The following TMEM135 variants were observed in gnomAD, a reference collection of about 807,000 sequenced individuals.
TMEM135 encodes peroxisomal membrane protein 52.
In TMEM135, 30 loss-of-function variants were observed where a neutral mutation model predicts 60.3. The observed-to-expected ratio is 0.50, with a 90% confidence interval of 0.37 to 0.68. The LOEUF is 0.68. TMEM135 is among the 30% of genes least tolerant of loss of function. TMEM135 has a pLI of 0.00. For synonymous variants in TMEM135, 190 were observed against 186.7 expected (o/e 1.02, Z -0.14); for missense variants, 468 against 548.8 (o/e 0.85, Z 1.47).
intron 5 of TMEM135, among the ~76,000 whole-genome samples, chr11:87,204,447 A>T (rs1261047575): frequency 2.0e-5 from 3 of 152,044 alleles, no homozygotes; most frequent in Non-Finnish European, 2.9e-5. Flanking sequence ...AGGAGTGTTG[A>T]CCCCTTGCAC....
intron 1 of TMEM135, among the ~76,000 whole-genome samples, chr11:87,040,495 T>C (rs1466242700): frequency 2.6e-5 from 4 of 152,174 alleles, no homozygotes; most frequent in African/African-American, 9.7e-5. Flanking sequence ...AAACCCCATC[T>C]CTACGAAAAA....
chr11:87,268,185 T>G (rs964910821), intron 6 of TMEM135, among the ~76,000 whole-genome samples: 1 of 124,770 alleles, frequency 8.0e-6, no homozygotes, highest in East Asian at 2.0e-4. Flanking sequence ...TTTCTTTTCT[T>G]TCTTCTTTTC....
At position 87,051,009 on chromosome 11, in the gene TMEM135, A is replaced by G. The variant is rs943271820; in HGVS notation, c.141+12823A>G. ...ATCCCTGGGATGCAAGGCTGGTTCA[A>G]TATACACAAATCAATAAATGTATTC... On this transcript the variant is annotated intron_variant, in intron 1 of 14. Transcript: ENST00000305494. 4.3e-5 allele frequency among the ~76,000 whole-genome samples: 4 copies of G among 92,018 alleles called. 1 individual carries two copies. The highest frequency in any genetic ancestry group is 1.2e-4 in the African/African-American group (2 of 16,830). 60.4% of individuals were successfully genotyped at this position (92,018 alleles called of 152,430 possible). A position where few individuals can be genotyped will look rare whatever the true frequency, so the allele number is the denominator to read the frequency against.
chr11:87,253,759 A>T (rs1941469050), intron 6 of TMEM135, among the ~76,000 whole-genome samples: 1 of 149,670 alleles, frequency 6.7e-6, no homozygotes, highest in Non-Finnish European at 1.5e-5. Context: ...AGGTACATCA[A>T]ATTGGCACTG....
chr11:87,283,247 T>C (rs915344428), intron 6 of TMEM135, among the ~76,000 whole-genome samples: 7 of 151,834 alleles, frequency 4.6e-5, no homozygotes, highest in Admixed American at 1.3e-4. Flanking sequence ...CACAGGAGAA[T>C]TGTTTGAACC....
intron 4 of TMEM135, among the ~76,000 whole-genome samples, chr11:87,106,937 T>A (rs1041927184): frequency 6.6e-6 from 1 of 152,130 alleles, no homozygotes; most frequent in African/African-American, 2.4e-5. Flanking sequence ...AGCCAGCATG[T>A]CACGTGGTGA....
chr11:87,103,862 C>T (rs1431966603), intron 4 of TMEM135, among the ~76,000 whole-genome samples: 3 of 151,888 alleles, frequency 2.0e-5, no homozygotes, highest in Non-Finnish European at 4.4e-5. Flanking sequence ...ACCATGTTGC[C>T]CAGGCTTCCA....
chr11:87,189,168 CCTTTCTTTG>C (rs1251275883), intron 5 of TMEM135, among the ~76,000 whole-genome samples: 26 of 150,370 alleles, frequency 1.7e-4, no homozygotes, highest in African/African-American at 5.9e-4. Flanking sequence ...CTTTCCCTTT[CCTTTCTTTG>C]CTTTCTTTCT....
At chr11:87,111,887 C>T (rs1391041835) in intron 4 of TMEM135, among the ~76,000 whole-genome samples, 1 of 151,982 alleles carries the variant, frequency 6.6e-6, no homozygotes, top group Non-Finnish European at 1.5e-5. Flanking sequence ...TATATGACTT[C>T]TCTAAACTCA....
chr11:87,200,524 C>T (rs1940070176), intron 5 of TMEM135, among the ~76,000 whole-genome samples: 1 of 152,130 alleles, frequency 6.6e-6, no homozygotes, highest in Non-Finnish European at 1.5e-5. Flanking sequence ...AGAAAGGGTA[C>T]TGTTCTCCCC....
chr11:87,142,958 G>A (rs1034878696), intron 4 of TMEM135, among the ~76,000 whole-genome samples: 11 of 146,446 alleles, frequency 7.5e-5, no homozygotes, highest in African/African-American at 2.5e-5. Context: ...TACATGCATT[G>A]AACTATTTGA....
chr11:87,059,708 C>T lies in TMEM135; in HGVS notation c.142-7986C>T, dbSNP rs1261160767. ...ACACAAGAAGGAATTGGGGTTGAATCAGGAAGCAATTCTGCAGAGTGAAGG... is the reference window on the plus strand; with the variant it reads ...ACACAAGAAGGAATTGGGGTTGAATTAGGAAGCAATTCTGCAGAGTGAAGG... On this transcript the variant is annotated intron_variant, in intron 1 of 14. Transcript: ENST00000305494. 2.0e-5 allele frequency among the ~76,000 whole-genome samples: 3 copies of T among 152,240 alleles called. No individual in the cohort carries two copies. In the East Asian group the frequency reaches 5.8e-4, roughly 29 times the overall value.
intron 2 of TMEM135, among the ~76,000 whole-genome samples, chr11:87,070,453 A>C (rs1213897047): frequency 6.6e-6 from 1 of 151,418 alleles, no homozygotes; most frequent in Non-Finnish European, 1.5e-5. Context: ...GACCAGCCTG[A>C]CCAACATGGT....
rs1328470822 is a variant in TMEM135 at position 87,321,698 on chromosome 11, T to G, written c.*365T>G. 1 of 464,574 alleles carries G rather than the reference T, an allele frequency of 2.2e-6. No homozygotes were observed. The highest frequency in any genetic ancestry group is 4.3e-6 in the Non-Finnish European group (1 of 234,126). 28.8% of individuals were successfully genotyped at this position (464,574 alleles called of 1,614,324 possible). The stretch of plus-strand genomic sequence containing the variant: ...TCTTTAGTTCATTCCAATATAATTC[T>G]TGATTAAAATTAGGATTATTTCTAC... On this transcript the variant is annotated 3_prime_UTR_variant, in exon 15 of 15. Transcript: ENST00000305494.
intron 5 of TMEM135, among the ~76,000 whole-genome samples, chr11:87,199,878 C>A (rs1006065696): frequency 6.6e-6 from 1 of 152,138 alleles, no homozygotes. Flanking sequence ...GGCAGTGAAT[C>A]GAGATCATGC....
chr11:87,069,030 G>A (rs955944182), intron 2 of TMEM135, among the ~76,000 whole-genome samples: 5 of 144,764 alleles, frequency 3.5e-5, no homozygotes, highest in South Asian at 2.2e-4. Flanking sequence ...ACGGCCGGGC[G>A]CGGTGGCTCA....
chr11:87,185,764 A>T (rs750002746), intron 5 of TMEM135, among the ~76,000 whole-genome samples: 44 of 152,144 alleles, frequency 2.9e-4, no homozygotes, highest in Non-Finnish European at 7.4e-5. Flanking sequence ...TAAAGTCTTG[A>T]TTTTTCTCCC....
At chr11:87,304,787 G>A (rs1942512124) in intron 8 of TMEM135, among the ~76,000 whole-genome samples, 2 of 152,202 alleles carry the variant, frequency 1.3e-5, no homozygotes. Context: ...GTTCAACCAT[G>A]AAAATAATTA....
intron 4 of TMEM135, among the ~76,000 whole-genome samples, chr11:87,123,579 A>G (rs1937640574): frequency 8.7e-6 from 1 of 114,840 alleles, no homozygotes; most frequent in Admixed American, 1.0e-4. Context: ...ACAATTTATC[A>G]TTTGTGGGGA....
Sources: allele counts gnomAD v4.1 joint callset (sites outside exome capture counted in the v4.1 genomes callset), GRCh38; gene constraint gnomAD v4.1.1; transcripts MANE v1.5; gene names NCBI Gene and HGNC (gene_info 2026-07-23, HGNC 2026-07-21).